Variants in SLC6A2 observed in about 807,000 individuals in gnomAD.
SLC6A2 encodes solute carrier family 6 member 2.
A neutral mutation model predicts 71.7 loss-of-function variants in SLC6A2; 26 were observed. The observed-to-expected ratio is 0.36, with a 90% CI of 0.27 to 0.50. The LOEUF (loss-of-function observed/expected upper bound fraction) is 0.50, where lower values mean the gene tolerates loss of function less well. Among genes scored for constraint, SLC6A2 ranks in the 20% least tolerant of loss-of-function variants. The pLI, the probability that SLC6A2 is intolerant of heterozygous loss-of-function variation, is 0.96. For missense variants in SLC6A2, 581 were observed against 803.9 expected, an observed-to-expected ratio of 0.72 and a Z score of 3.35; for synonymous variants, 363 against 337.9, an observed-to-expected ratio of 1.07 and a Z score of -0.82.
chr16:55,658,907 A>G (rs36031), intron 2 of SLC6A2, among the ~76,000 whole-genome samples: 59,231 of 152,072 alleles, frequency 0.39, 11,722 homozygotes, highest in South Asian at 0.46. Flanking sequence ...CAGCCTCTCA[A>G]GCGTTACTGG....
chr16:55,657,832 CAT>C (rs1480751167), intron 2 of SLC6A2, among the ~76,000 whole-genome samples: 3 of 152,152 alleles, frequency 2.0e-5, no homozygotes, highest in African/African-American at 7.2e-5. Context: ...GGAAGAATAA[CAT>C]AGAACCCCGG....
Position 55,691,977 on chromosome 16 carries a change from C to T in SLC6A2, c.843C>T (p.Gly281=), listed in dbSNP as rs369812990. Residue 281 remains glycine (G), a synonymous_variant, in exon 6 of 15, where the codon GGC becomes GGT. Transcript: ENST00000568943. ...YFVLFVLLVH[G]VTLPGASNGI... is the part of the protein sequence containing the mutation. ...TGCTGTTCGTGCTCCTGGTCCATGGCGTCACGCTGCCCGGAGCCTCCAATG... is the reference window on the plus strand; with the variant it reads ...TGCTGTTCGTGCTCCTGGTCCATGGTGTCACGCTGCCCGGAGCCTCCAATG... 1.4e-4 allele frequency: 222 copies of T among 1,614,018 alleles called. 2 individuals carry two copies. In the South Asian group the frequency reaches 2.1e-3, roughly 15 times the overall value.
intron 2 of SLC6A2, 84 bp downstream of exon 2, chr16:55,657,052 C>A: frequency 6.7e-7 from 1 of 1,491,934 alleles, no homozygotes; most frequent in Non-Finnish European, 9.2e-7. Context: ...GGAATACACA[C>A]GGAAGGGAGG....
chr16:55,657,782 C>T (rs1472041445), intron 2 of SLC6A2, among the ~76,000 whole-genome samples: 1 of 152,070 alleles, frequency 6.6e-6, no homozygotes, highest in Non-Finnish European at 1.5e-5. Flanking sequence ...TGGCCACCTG[C>T]CTGAAAATGA....
chr16:55,690,192 C>T (rs1210220147), intron 5 of SLC6A2, among the ~76,000 whole-genome samples: 5 of 152,212 alleles, frequency 3.3e-5, no homozygotes, highest in African/African-American at 1.2e-4. Context: ...CATTCATCTA[C>T]ACCACTGCCC....
chr16:55,678,109 T>G (rs1405557365), intron 4 of SLC6A2, among the ~76,000 whole-genome samples: 1 of 152,210 alleles, frequency 6.6e-6, no homozygotes, highest in East Asian at 1.9e-4. Context: ...CCATTTAATC[T>G]TCACAGTTCA....
At chr16:55,692,313 G>C (rs1379527180) in intron 6 of SLC6A2, among the ~76,000 whole-genome samples, 1 of 152,192 alleles carries the variant, frequency 6.6e-6, no homozygotes, top group Non-Finnish European at 1.5e-5. Context: ...TCTTTTTGAG[G>C]AGAGAAATTC....
chr16:55,659,734 A>G (rs978414783), intron 2 of SLC6A2, among the ~76,000 whole-genome samples: 3 of 152,150 alleles, frequency 2.0e-5, no homozygotes, highest in African/African-American at 7.2e-5. Context: ...CAACAGAAAC[A>G]CTCAGTGGTA....
intron 14 of SLC6A2, among the ~76,000 whole-genome samples, 185 bp from the exon 15 acceptor site, chr16:55,702,138 G>A (rs769485283): frequency 6.6e-6 from 1 of 152,212 alleles, no homozygotes; most frequent in Non-Finnish European, 1.5e-5. Flanking sequence ...GTGACTTTGG[G>A]GAGGTTCTGC....
intron 11 of SLC6A2, 26 bp downstream of exon 11, chr16:55,698,594 A>C (rs757966005): frequency 6.7e-7 from 1 of 1,490,466 alleles, no homozygotes; most frequent in South Asian, 1.1e-5. Flanking sequence ...GAAAAGCCTC[A>C]GCTCCCAGTC....
chr16:55,691,115 A>T (rs1355031817), intron 5 of SLC6A2, among the ~76,000 whole-genome samples: 3 of 151,248 alleles, frequency 2.0e-5, no homozygotes, highest in African/African-American at 7.3e-5. Context: ...TAAAGAAAAA[A>T]AGGAAGAGAT....
At chr16:55,688,273 A>G (rs1965517423) in intron 5 of SLC6A2, among the ~76,000 whole-genome samples, 1 of 152,210 alleles carries the variant, frequency 6.6e-6, no homozygotes, top group Admixed American at 6.5e-5. Context: ...GCAAATGTTC[A>G]TACCTCCGGT....
Position 55,656,595 on chromosome 16 carries a change from G to A in SLC6A2, c.-51-49G>A, listed in dbSNP as rs1233093675. On this transcript the variant is annotated intron_variant, in intron 1 of 14. Coordinates refer to ENST00000568943, the MANE Select transcript of SLC6A2 (RefSeq NM_001172501.3). This position sits in a 1 kb window ranked among gnomAD's most constrained non-coding sequence, Gnocchi z 4.5. ...TCCCGGGTGGTCTTGGGAGTTGCAA[G>A]TAGGGAGGAACGGCCGGGTAACCAC... The A allele has an allele frequency of 3.3e-6, 5 of 1,498,036 alleles. No homozygotes were observed. The highest frequency in any genetic ancestry group is 3.3e-5 in the Admixed American group (2 of 59,842). 92.8% of individuals were successfully genotyped at this position (1,498,036 alleles called of 1,614,324 possible).
At position 55,705,359 on chromosome 16, in the gene SLC6A2, C is replaced by G; in HGVS notation, c.*3013C>G. 1 of 880,984 alleles carries G rather than the reference C, an allele frequency of 1.1e-6. No individual in the cohort carries two copies. 54.6% of individuals were successfully genotyped at this position (880,984 alleles called of 1,614,324 possible). A position where few individuals can be genotyped will look rare whatever the true frequency, so the allele number is the denominator to read the frequency against. On this transcript the variant is annotated 3_prime_UTR_variant, in exon 15 of 15. Transcript: ENST00000568943. Reference sequence around the variant, plus strand: ...TCCTGCTATATGATCTGTTTTCTAGCCTCGCTAATGTGAGACTGAAGCATT... The same window carrying G: ...TCCTGCTATATGATCTGTTTTCTAGGCTCGCTAATGTGAGACTGAAGCATT...
rs577568936 is a variant in SLC6A2 at position 55,668,967 on chromosome 16, G to A, written c.275-598G>A. Among the ~76,000 whole-genome samples, 40 of 152,272 alleles carry A rather than the reference G, an allele frequency of 2.6e-4. No homozygotes were observed. In the South Asian group the frequency reaches 3.9e-3, roughly 15 times the overall value. On this transcript the variant is annotated intron_variant, in intron 2 of 14. Coordinates refer to ENST00000568943, the MANE Select transcript of SLC6A2 (RefSeq NM_001172501.3). The stretch of plus-strand genomic sequence containing the variant: ...GCCCCTCAGTTTGCCCTGGGGGTAC[G>A]TAATGACCCTGACTGGTTATTATGT...
Position 55,703,128 on chromosome 16 carries a change from C to T in SLC6A2, c.*782C>T, listed in dbSNP as rs1018877596. The T allele has an allele frequency of 8.1e-6, 8 of 985,618 alleles. No homozygotes were observed. The East Asian group carries it at 3.4e-4, about 42-fold the overall frequency. The allele number at this position is 985,618 out of a possible 1,614,324, so 61.1% of individuals were successfully genotyped here. A position where few individuals can be genotyped will look rare whatever the true frequency, so the allele number is the denominator to read the frequency against. On this transcript the variant is annotated 3_prime_UTR_variant, in exon 15 of 15. Transcript: ENST00000568943. Reference sequence around the variant, plus strand: ...GCATCAGACAAGCTGGTGGAGGCCACGTGGCAAGCCACATCTACTGAGGCC... The same window carrying T: ...GCATCAGACAAGCTGGTGGAGGCCATGTGGCAAGCCACATCTACTGAGGCC...
rs554101516 is a variant in SLC6A2 at position 55,684,395 on chromosome 16, C to T, written c.645-748C>T. Among the ~76,000 whole-genome samples the T allele has an allele frequency of 1.9e-3, 285 of 151,810 alleles. 2 individuals carry two copies. Among genetic ancestry groups the T allele is most frequent in the Non-Finnish European group, 2.6e-3 (176 of 67,964 alleles). ...TGTTGATGGATGTTTGAGTACTTTG[C>T]GATTTGGGGTTATTATGAAATAATG... On this transcript the variant is annotated intron_variant, in intron 4 of 14. Transcript: ENST00000568943.
chr16:55,682,481 T>A (rs764757637), intron 4 of SLC6A2, among the ~76,000 whole-genome samples: 8 of 152,116 alleles, frequency 5.3e-5, no homozygotes, highest in Non-Finnish European at 8.8e-5. Flanking sequence ...GATTGTTGGG[T>A]TTAGCAAGAA....
chr16:55,674,995 G>A (rs987267066), intron 4 of SLC6A2, among the ~76,000 whole-genome samples: 9 of 152,052 alleles, frequency 5.9e-5, no homozygotes, highest in African/African-American at 9.7e-5. Context: ...CCCTTTTCTC[G>A]GCAGCCTTGC....
Sources: gnomAD v4.1 joint callset for allele counts (sites outside exome capture counted in the v4.1 genomes callset) on GRCh38, gnomAD v4.1.1 for gene constraint, Gnocchi (gnomAD v3.1) non-coding constraint, MANE v1.5 for transcripts, NCBI Gene and HGNC (gene_info 2026-07-23, HGNC 2026-07-21) for gene names.